Variants in MCCC1 observed in about 807,000 individuals in gnomAD.
MCCC1 encodes the protein methylcrotonoyl-CoA carboxylase subunit alpha, mitochondrial.
MCCC1 carries 64 observed loss-of-function variants against 83.8 expected under a neutral mutation model. The ratio of observed to expected loss-of-function variants is 0.76; its 90% CI spans 0.62 to 0.94. MCCC1 has a LOEUF of 0.94. Among genes scored for constraint, MCCC1 ranks in the 40% least tolerant of loss-of-function variants. The pLI is 0.00. For synonymous variants in MCCC1, 322 were observed against 315.4 expected, an observed-to-expected ratio of 1.02 and a Z score of -0.22; for missense variants, 807 against 904.7, an observed-to-expected ratio of 0.89 and a Z score of 1.39.
chr3:183,041,259 A>C (rs1290904545), intron 11 of MCCC1, among the ~76,000 whole-genome samples: 1 of 152,206 alleles, frequency 6.6e-6, no homozygotes. Flanking sequence ...AGCAGATATC[A>C]GTCATCTTAA....
In MCCC1 at chr3:183,093,634, C is replaced by T. The variant is rs148798424; in HGVS notation, c.136+925G>A. Among the ~76,000 whole-genome samples, 21 of 152,130 alleles carry T rather than the reference C, an allele frequency of 1.4e-4. No individual in the cohort carries two copies. The East Asian group carries it at 3.9e-3, about 28-fold the overall frequency. On this transcript the variant is annotated intron_variant, in intron 2 of 18. Transcript: ENST00000265594. Reference sequence around the variant, plus strand: ...TTATTTCTTCAATAGAATCCATAGGCTCAACATAATAAAGTTATTTCTCCT... The same window carrying T: ...TTATTTCTTCAATAGAATCCATAGGTTCAACATAATAAAGTTATTTCTCCT...
intron 1 of MCCC1, among the ~76,000 whole-genome samples, chr3:183,095,632 G>A (rs1375810996): frequency 6.6e-6 from 1 of 152,102 alleles, no homozygotes. Context: ...GAAGGGTGGG[G>A]TAAGGTTGAG....
chr3:183,067,443 A>G (rs796226262), intron 7 of MCCC1, among the ~76,000 whole-genome samples: 2 of 152,388 alleles, frequency 1.3e-5, no homozygotes, highest in African/African-American at 4.8e-5. Context: ...TTGTACAAAT[A>G]ATCAGGCCAT....
intron 7 of MCCC1, among the ~76,000 whole-genome samples, chr3:183,070,001 A>G (rs1265175820): frequency 6.6e-6 from 1 of 152,224 alleles, no homozygotes; most frequent in Non-Finnish European, 1.5e-5. Flanking sequence ...AAGTAACACA[A>G]CACAACCATT....
At chr3:183,026,089 C>T (rs1712575258) in intron 14 of MCCC1, among the ~76,000 whole-genome samples, 1 of 152,220 alleles carries the variant, frequency 6.6e-6, no homozygotes, top group African/African-American at 2.4e-5. Flanking sequence ...GTCACCCTGG[C>T]TGGACTGCAG....
intron 1 of MCCC1, among the ~76,000 whole-genome samples, chr3:183,095,364 A>T (rs1215249418): frequency 6.6e-6 from 1 of 152,198 alleles, no homozygotes; most frequent in African/African-American, 2.4e-5. Flanking sequence ...ATGCTGGTCA[A>T]TCTACAGTTT....
rs763006656 is a variant in MCCC1 at position 183,039,076 on chromosome 3, C to G, written c.1327G>C (p.Asp443His). 2 of 1,614,230 alleles carry G rather than the reference C, an allele frequency of 1.2e-6. No individual in the cohort carries two copies. The highest frequency in any genetic ancestry group is 2.7e-5 in the African/African-American group (2 of 75,048). The change falls in exon 12 of 19, where the codon GAT (aspartate) becomes CAT (histidine). Residue 443 changes from aspartate to histidine, a missense_variant. Transcript: ENST00000265594. ...MIAKLVVWAA[D>H]RQAALTKLRY... ...AGTTTTGTCAATGCCGCCTGGCGAT[C>G]TGCTGCCCACACGACCAGCTTCGCA...
chr3:183,070,707 TG>T (rs1560256115), intron 7 of MCCC1, among the ~76,000 whole-genome samples: 1 of 148,982 alleles, frequency 6.7e-6, no homozygotes, highest in Non-Finnish European at 1.5e-5. Context: ...CACTCCAGCC[TG>T]GGCAACTGAA....
intron 8 of MCCC1, among the ~76,000 whole-genome samples, chr3:183,055,899 A>G (rs891430507): frequency 1.3e-5 from 2 of 152,218 alleles, no homozygotes; most frequent in South Asian, 2.1e-4. Context: ...CCCTGTCTCA[A>G]AAAAACAAAA....
Position 183,020,201 on chromosome 3 carries a change from AT to A in MCCC1, c.1905del (p.Lys635AsnfsTer6), listed in dbSNP as rs727504001. On this transcript the variant is annotated frameshift_variant, in exon 17 of 19. Coordinates refer to ENST00000265594, the MANE Select transcript of MCCC1 (RefSeq NM_020166.5). LOFTEE classifies it high-confidence loss of function. ...TCTTGTGAGCTCACAGAAGATAAGT[AT>A]TTGGGGACTGGAATGTCAATCTCAA... ...GSIEIDIPVP[K>X]YLSSVSSQET... is the part of the protein sequence containing the mutation. The A allele has an allele frequency of 3.7e-6, 6 of 1,614,122 alleles. No homozygotes were observed. Among genetic ancestry groups the A allele is most frequent in the Non-Finnish European group, 5.1e-6 (6 of 1,179,956 alleles).
upstream of MCCC1, among the ~76,000 whole-genome samples, chr3:183,100,516 TTC>T (rs1259520541): frequency 6.6e-6 from 1 of 152,220 alleles, no homozygotes; most frequent in African/African-American, 2.4e-5. Context: ...ATGCTATTAA[TTC>T]TGTCCCAGAG....
intron 8 of MCCC1, among the ~76,000 whole-genome samples, chr3:183,056,522 G>A (rs1448824868): frequency 6.6e-6 from 1 of 152,100 alleles, no homozygotes; most frequent in Non-Finnish European, 1.5e-5. Flanking sequence ...ATGAGCAAAC[G>A]CTGCCAAACG....
At chr3:183,060,650 G>A (rs1472396883) in intron 7 of MCCC1, among the ~76,000 whole-genome samples, 1 of 151,890 alleles carries the variant, frequency 6.6e-6, no homozygotes, top group African/African-American at 2.4e-5. Context: ...ATGTATACAT[G>A]CGCCATGTTG....
At chr3:183,103,842 G>C (rs1180797733), upstream of MCCC1, among the ~76,000 whole-genome samples, 1 of 152,210 alleles carries the variant, frequency 6.6e-6, no homozygotes, top group Non-Finnish European at 1.5e-5. Context: ...AGCCCACGGA[G>C]CGGGGGGAGG....
chr3:183,053,423 G>A (rs541832738), intron 8 of MCCC1, among the ~76,000 whole-genome samples: 1 of 152,124 alleles, frequency 6.6e-6, no homozygotes, highest in Non-Finnish European at 1.5e-5. Flanking sequence ...AAGAGGTCAG[G>A]GGTCTAGTGA....
chr3:183,099,068 G>A, intron 1 of MCCC1: 1 of 564,102 alleles, frequency 1.8e-6, no homozygotes, highest in Non-Finnish European at 3.2e-6. Flanking sequence ...CGACGGCGAG[G>A]GGAGCCTGGA....
chr3:183,082,916 T>C lies in MCCC1; in HGVS notation c.369+3777A>G, dbSNP rs150596877. Among the ~76,000 whole-genome samples, 397 of 151,940 alleles carry C rather than the reference T, an allele frequency of 2.6e-3. 1 individual carries two copies. Among genetic ancestry groups the C allele is most frequent in the African/African-American group, 9.0e-3 (371 of 41,426 alleles). On this transcript the variant is annotated intron_variant, in intron 4 of 18. Coordinates refer to ENST00000265594, the MANE Select transcript of MCCC1 (RefSeq NM_020166.5). ...GAGGTGGCAGGATCACTTGAGTCCA[T>C]GAGTTCAAGGCTGCAGTGAGCCATG... is the stretch of plus-strand genomic sequence containing the variant.
In MCCC1 at chr3:183,017,363, T is replaced by C. The variant is rs1553849470; in HGVS notation, c.1978-26A>G. 8 of 1,611,520 alleles carry C rather than the reference T, an allele frequency of 5.0e-6. No homozygotes were observed. In the East Asian group the frequency reaches 1.8e-4, roughly 36 times the overall value. On this transcript the variant is annotated intron_variant, in intron 17 of 18. Coordinates refer to ENST00000265594, the MANE Select transcript of MCCC1 (RefSeq NM_020166.5). The stretch of plus-strand genomic sequence containing the variant: ...CTTGAGATTCAGTGTGACAGGTTAA[T>C]ATTTGAAAACACAGAGGTCCTAGAT...
chr3:183,091,921 C>A (rs1023841144), intron 3 of MCCC1, among the ~76,000 whole-genome samples: 2 of 152,028 alleles, frequency 1.3e-5, no homozygotes, highest in African/African-American at 2.4e-5. Flanking sequence ...ACCTATAGTT[C>A]CAGCTACTCT....
Sources: gnomAD v4.1 joint callset for allele counts (sites outside exome capture counted in the v4.1 genomes callset) on GRCh38, gnomAD v4.1.1 for gene constraint, MANE v1.5 for transcripts, NCBI Gene and HGNC (gene_info 2026-07-23, HGNC 2026-07-21) for gene names.